GRM8: variants seen among roughly 807,000 people sequenced by gnomAD.
GRM8 encodes the protein metabotropic glutamate receptor 8.
A neutral mutation model predicts 87.2 loss-of-function variants in GRM8; 47 were observed. The observed-to-expected ratio is 0.54, with a 90% CI of 0.43 to 0.69. The LOEUF (loss-of-function observed/expected upper bound fraction) is 0.69. GRM8 is among the 30% of genes least tolerant of loss of function. The probability of loss-of-function intolerance (pLI) is 0.00; values close to 1 mark genes in which losing one functional copy is unlikely to be tolerated. For synonymous variants in GRM8, 396 were observed against 404.5 expected (o/e 0.98, Z 0.25); for missense variants, 1,019 against 1,139.2 (o/e 0.89, Z 1.52).
At chr7:126,909,512 A>G (rs1803069004) in intron 3 of GRM8, among the ~76,000 whole-genome samples, 1 of 152,164 alleles carries the variant, frequency 6.6e-6, no homozygotes, top group South Asian at 2.1e-4. Flanking sequence ...TAACTTTCCT[A>G]TTCTGCAGGG....
chr7:127,019,595 A>G (rs957437823), intron 3 of GRM8, among the ~76,000 whole-genome samples: 2 of 152,102 alleles, frequency 1.3e-5, no homozygotes, highest in Admixed American at 1.3e-4. Context: ...TTTGCAGGAT[A>G]TGTAAAAATC....
intron 3 of GRM8, among the ~76,000 whole-genome samples, chr7:127,082,887 A>G (rs1227541245): frequency 1.3e-5 from 2 of 152,190 alleles, no homozygotes; most frequent in Non-Finnish European, 2.9e-5. Flanking sequence ...TCACGCAGTG[A>G]TGTCACTAGG....
At chr7:126,868,168 C>T (rs948639764) in intron 6 of GRM8, among the ~76,000 whole-genome samples, 1 of 152,162 alleles carries the variant, frequency 6.6e-6, no homozygotes, top group East Asian at 1.9e-4. Flanking sequence ...CAAGCCAGAC[C>T]CACTGGGCCA....
chr7:126,669,274 T>C (rs1403898365), intron 7 of GRM8, among the ~76,000 whole-genome samples: 4 of 152,034 alleles, frequency 2.6e-5, no homozygotes, highest in Non-Finnish European at 5.9e-5. Context: ...CAATGGTACA[T>C]GTATACCTAT....
intron 2 of GRM8, among the ~76,000 whole-genome samples, chr7:127,233,095 G>GCTGA (rs1388839144): frequency 2.6e-5 from 4 of 152,146 alleles, no homozygotes; most frequent in African/African-American, 9.7e-5. Context: ...CTCCCAAAGT[G>GCTGA]CTGAGATTAC....
At chr7:126,789,280 C>T (rs1019493124) in intron 6 of GRM8, among the ~76,000 whole-genome samples, 1 of 151,164 alleles carries the variant, frequency 6.6e-6, no homozygotes, top group African/African-American at 2.5e-5. Flanking sequence ...AATTACTATT[C>T]TGTGGAAAGA....
At chr7:127,058,707 G>A (rs1366290529) in intron 3 of GRM8, among the ~76,000 whole-genome samples, 2 of 152,210 alleles carry the variant, frequency 1.3e-5, no homozygotes, top group Admixed American at 1.3e-4. Flanking sequence ...ATATAAGGCT[G>A]GAGGGTGTGT....
Position 127,252,597 on chromosome 7 carries a change from A to G in GRM8, c.-312+200T>C, listed in dbSNP as rs1798932863. On this transcript the variant is annotated intron_variant, in intron 1 of 10. Coordinates refer to ENST00000339582, the MANE Select transcript of GRM8 (RefSeq NM_000845.3). The surrounding 1 kb of genome is among the most constrained non-coding windows in gnomAD (Gnocchi z 4.9). ...TCAGGAAAAACAAATCACTAGAGTG[A>G]TATGAGAAGGAATGGTGCACCTGGC... Among the ~76,000 whole-genome samples, 1 of 152,108 alleles carries G rather than the reference A, an allele frequency of 6.6e-6. No homozygotes were observed. The highest frequency in any genetic ancestry group is 1.5e-5 in the Non-Finnish European group (1 of 68,032).
At chr7:126,614,355 C>A (rs1420990698) in intron 7 of GRM8, among the ~76,000 whole-genome samples, 2 of 152,096 alleles carry the variant, frequency 1.3e-5, no homozygotes, top group Non-Finnish European at 2.9e-5. Flanking sequence ...GAAAGGACAT[C>A]CACACCAAAA....
chr7:127,049,350 A>G (rs1819239406), intron 3 of GRM8, among the ~76,000 whole-genome samples: 1 of 152,230 alleles, frequency 6.6e-6, no homozygotes, highest in African/African-American at 2.4e-5. Flanking sequence ...GTTAAACAAC[A>G]TAAAAGAAAG....
chr7:126,811,242 C>G (rs1254766025), intron 6 of GRM8, among the ~76,000 whole-genome samples: 1 of 152,038 alleles, frequency 6.6e-6, no homozygotes, highest in Non-Finnish European at 1.5e-5. Flanking sequence ...TGTTTTTATA[C>G]TGGTACCATG....
At chr7:127,069,748 T>C (rs192253193) in intron 3 of GRM8, among the ~76,000 whole-genome samples, 1 of 152,330 alleles carries the variant, frequency 6.6e-6, no homozygotes, top group East Asian at 1.9e-4. Context: ...AGCAGAAATA[T>C]GGTGTCATGA....
intron 7 of GRM8, among the ~76,000 whole-genome samples, chr7:126,630,230 G>T (rs907500231): frequency 1.3e-5 from 2 of 151,922 alleles, no homozygotes; most frequent in African/African-American, 2.4e-5. Context: ...AAATCATAGA[G>T]TGCTATTTAA....
At chr7:126,550,833 T>A (rs1010856151) in intron 8 of GRM8, among the ~76,000 whole-genome samples, 3 of 151,558 alleles carry the variant, frequency 2.0e-5, no homozygotes, top group Admixed American at 2.0e-4. Context: ...AGAAACAGAA[T>A]AATGGTGAAT....
intron 7 of GRM8, among the ~76,000 whole-genome samples, chr7:126,758,083 T>C (rs967250202): frequency 2.0e-5 from 3 of 152,104 alleles, no homozygotes; most frequent in African/African-American, 7.2e-5. Flanking sequence ...TTACAGGAGA[T>C]TTATCAGATG....
At chr7:126,954,425 C>T (rs1001794720) in intron 3 of GRM8, among the ~76,000 whole-genome samples, 4 of 152,092 alleles carry the variant, frequency 2.6e-5, no homozygotes, top group Middle Eastern at 3.2e-3. Context: ...CCTAGGGTTG[C>T]TAAGTCTAGC....
chr7:126,465,411 T>A (rs1050309946), intron 9 of GRM8: 2 of 151,594 alleles, frequency 1.3e-5, no homozygotes, highest in Admixed American at 6.6e-5. Context: ...CATTAATGTA[T>A]AGCTCAATCT....
intron 6 of GRM8, among the ~76,000 whole-genome samples, chr7:126,826,621 T>C (rs1794828488): frequency 6.6e-6 from 1 of 152,162 alleles, no homozygotes; most frequent in African/African-American, 2.4e-5. Context: ...TATTAGCCCT[T>C]TGTCAGATGA....
In GRM8 at chr7:126,530,110, T is replaced by C. The variant is rs1365460684; in HGVS notation, c.2430+2842A>G. Among the ~76,000 whole-genome samples, 9 of 152,326 alleles carry C rather than the reference T, an allele frequency of 5.9e-5. No homozygotes were observed. The East Asian group carries it at 1.7e-3, about 29-fold the overall frequency. Reference sequence around the variant, plus strand: ...TCAGAAAGCTCTCTGTCTTCATAACTGCTACAAGTGTCCTTTATAACTTCA... The same window carrying C: ...TCAGAAAGCTCTCTGTCTTCATAACCGCTACAAGTGTCCTTTATAACTTCA... On this transcript the variant is annotated intron_variant, in intron 9 of 10. Coordinates refer to ENST00000339582, the MANE Select transcript of GRM8 (RefSeq NM_000845.3).
Sources: allele counts gnomAD v4.1 joint callset (sites outside exome capture counted in the v4.1 genomes callset), GRCh38; gene constraint gnomAD v4.1.1; non-coding constraint Gnocchi (gnomAD v3.1); transcripts MANE v1.5; gene names NCBI Gene and HGNC (gene_info 2026-07-23, HGNC 2026-07-21).